MIA2: variants seen among roughly 807,000 people sequenced by gnomAD.
MIA2 encodes the protein MIA SH3 domain ER export factor 2.
Under a neutral mutation model 167.8 loss-of-function variants are expected in MIA2, and 127 were observed. The ratio of observed to expected loss-of-function variants is 0.76; its 90% CI spans 0.66 to 0.88. The LOEUF is 0.88. Ranked by LOEUF, MIA2 falls within the 40% of genes least tolerant of loss-of-function variation. The probability of loss-of-function intolerance (pLI) is 0.00; values close to 1 mark genes in which losing one functional copy is unlikely to be tolerated. For synonymous variants in MIA2, 552 were observed against 541.9 expected (o/e 1.02, Z -0.26); for missense variants, 1,690 against 1,624.7 (o/e 1.04, Z -0.69).
intron 13 of MIA2, among the ~76,000 whole-genome samples, chr14:39,295,602 C>T (rs1257084218): frequency 4.6e-5 from 7 of 152,108 alleles, no homozygotes; most frequent in African/African-American, 1.7e-4. Context: ...ACTCTGTTGC[C>T]AGGCTGGAGT....
At chr14:39,267,036 C>G in intron 6 of MIA2, 1 of 1,025,622 alleles carries the variant, frequency 9.8e-7, no homozygotes, top group Admixed American at 5.5e-5. Flanking sequence ...GGTGGCTTCG[C>G]CAGGTAGAGC....
chr14:39,314,836 G>GTGTA (rs2065084855), intron 20 of MIA2, 37 bp downstream of exon 20: 3 of 996,894 alleles, frequency 3.0e-6, no homozygotes, highest in Non-Finnish European at 2.9e-6. Flanking sequence ...GTGTGTGTGT[G>GTGTA]TATATATATA....
intron 17 of MIA2, among the ~76,000 whole-genome samples, chr14:39,308,227 A>T (rs2063671039): frequency 6.6e-6 from 1 of 152,158 alleles, no homozygotes; most frequent in Admixed American, 6.5e-5. Flanking sequence ...CCTATATTGA[A>T]ATATCACACT....
rs370610401 is a variant in MIA2 at position 39,370,151 on chromosome 14, G to A, written c.2249-16734G>A. 2.6e-5 allele frequency: 4 copies of A among 152,328 alleles called. No individual in the cohort carries two copies. In the East Asian group the frequency reaches 5.8e-4, roughly 22 times the overall value. The allele number at this position is 152,328 out of a possible 1,614,324, so 9.4% of individuals were successfully genotyped here. ...TAAAATATTACTAGCTCAAACACTA[G>A]ACAAACTAAAATCACCCGACTGCTT... On this transcript the variant is annotated intron_variant, in intron 23 of 23. Transcript: ENST00000341502.
Position 39,299,945 on chromosome 14 carries a change from C to T in MIA2, c.2578C>T (p.His860Tyr), listed in dbSNP as rs747814024. ...AGTAACATTTGAAGACTCCAAAGTA[C>T]ATGCAGAACAAGTTCTAAATGATAA... ...QKVTFEDSKVHAEQVLNDKES... is the reference protein window; with the variant it reads ...QKVTFEDSKVYAEQVLNDKES... The change falls in exon 14 of 29, where the codon CAT becomes TAT. Residue 860 changes from histidine to tyrosine, a missense_variant. Coordinates refer to ENST00000640607, the MANE Select transcript of MIA2 (RefSeq NM_001329214.4). The T allele has an allele frequency of 3.1e-6, 5 of 1,608,510 alleles. 1 individual carries two copies. Among genetic ancestry groups the T allele is most frequent in the African/African-American group, 2.7e-5 (2 of 74,570 alleles).
chr14:39,252,620 C>T, intron 4 of MIA2, 128 bp from the exon 5 acceptor site: 1 of 641,410 alleles, frequency 1.6e-6, no homozygotes, highest in Non-Finnish European at 2.7e-6. Context: ...TTTAGTGTGT[C>T]CTTTCTTTAA....
At chr14:39,280,557 C>T (rs1271915420) in intron 9 of MIA2, among the ~76,000 whole-genome samples, 2 of 151,902 alleles carry the variant, frequency 1.3e-5, no homozygotes, top group Non-Finnish European at 1.5e-5. Flanking sequence ...ATGGTGAAAC[C>T]CCGTCCCTAC....
intron 25 of MIA2, among the ~76,000 whole-genome samples, chr14:39,337,121 C>T (rs1235299509): frequency 1.3e-5 from 2 of 152,090 alleles, no homozygotes; most frequent in Admixed American, 6.6e-5. Flanking sequence ...GTGACATAAC[C>T]ATATAACTCC....
chr14:39,297,830 C>CCTG (rs1566799068), intron 13 of MIA2, among the ~76,000 whole-genome samples: 1 of 152,006 alleles, frequency 6.6e-6, no homozygotes, highest in African/African-American at 2.4e-5. Context: ...TCCTTTTTTC[C>CCTG]AGTCCTGCTT....
chr14:39,370,728 T>G (rs1440362523), intron 23 of MIA2: 1 of 169,154 alleles, frequency 5.9e-6, no homozygotes, highest in Non-Finnish European at 1.3e-5. Context: ...GAGCCCACAA[T>G]GGCCCAGGCC....
In MIA2 at chr14:39,347,500, G is replaced by T. The variant is rs574003985; in HGVS notation, c.3779-213G>T. ...CAGGATTGCTTAGGAACTAGCCAGAGAAATAATTGCCACATGCCATCATAG... is the reference window on the plus strand; with the variant it reads ...CAGGATTGCTTAGGAACTAGCCAGATAAATAATTGCCACATGCCATCATAG... On this transcript the variant is annotated intron_variant, in intron 26 of 28. Transcript: ENST00000640607. The T allele has an allele frequency of 3.1e-5, 17 of 544,128 alleles. No homozygotes were observed. The South Asian group carries it at 3.8e-4, about 12-fold the overall frequency. The allele number at this position is 544,128 out of a possible 1,614,324, so 33.7% of individuals were successfully genotyped here. A position where few individuals can be genotyped will look rare whatever the true frequency, so the allele number is the denominator to read the frequency against.
In MIA2 at chr14:39,315,120, TAAAAAAAAAA is replaced by T. The variant is rs558848153; in HGVS notation, c.3180+338_3180+347del. On this transcript the variant is annotated intron_variant, in intron 20 of 28. Transcript: ENST00000640607. Reference sequence around the variant, plus strand: ...TAACATGGCAAAACCCTGTCTCTACTAAAAAAAAAAAAAAAAAAAAAAAAAATACAAAAAT... The same window carrying T: ...TAACATGGCAAAACCCTGTCTCTACTAAAAAAAAAAAAAAAATACAAAAAT... 113 of 105,854 alleles carry T rather than the reference TAAAAAAAAAA, an allele frequency of 1.1e-3. 1 individual carries two copies. The highest frequency in any genetic ancestry group is 4.1e-3 in the Middle Eastern group (1 of 244). 6.6% of individuals were successfully genotyped at this position (105,854 alleles called of 1,614,324 possible). A position where few individuals can be genotyped will look rare whatever the true frequency, so the allele number is the denominator to read the frequency against.
chr14:39,239,031 A>T (rs2053924371), intron 2 of MIA2, among the ~76,000 whole-genome samples: 1 of 152,296 alleles, frequency 6.6e-6, no homozygotes, highest in Middle Eastern at 3.4e-3. Flanking sequence ...CTGAACAAGC[A>T]TGGTCGACTT....
At chr14:39,290,333 T>A (rs114347260) in intron 9 of MIA2, among the ~76,000 whole-genome samples, 28 of 152,292 alleles carry the variant, frequency 1.8e-4, no homozygotes, top group South Asian at 8.3e-4. Context: ...TATATATTTT[T>A]TTTTTTGGTA....
intron 25 of MIA2, among the ~76,000 whole-genome samples, chr14:39,330,679 G>T (rs940025823): frequency 6.6e-6 from 1 of 152,068 alleles, no homozygotes; most frequent in Non-Finnish European, 1.5e-5. Flanking sequence ...GTTCTCATTG[G>T]TTTCAAATAA....
chr14:39,263,716 C>T (rs1218418383), intron 6 of MIA2, among the ~76,000 whole-genome samples: 6 of 149,934 alleles, frequency 4.0e-5, no homozygotes, highest in African/African-American at 7.4e-5. Context: ...ACTGCAATCT[C>T]GGCCTCCTGG....
intron 9 of MIA2, among the ~76,000 whole-genome samples, chr14:39,288,449 A>ATTTTTTTTTTTTTTTTTTTTTTTTTT (rs1566746769): frequency 2.3e-4 from 1 of 4,368 alleles, no homozygotes; most frequent in African/African-American, 6.3e-4. Flanking sequence ...ATATATATAT[A>ATTTTTTTTTTTTTTTTTTTTTTTTTT]TATATATATA....
At chr14:39,346,354 A>G (rs2153072096) in intron 26 of MIA2, among the ~76,000 whole-genome samples, 1 of 152,298 alleles carries the variant, frequency 6.6e-6, no homozygotes, top group Non-Finnish European at 1.5e-5. Flanking sequence ...GAAATAAGCC[A>G]GGCAAATGTG....
intron 26 of MIA2, chr14:39,347,430 A>G (rs1199807354): frequency 7.9e-6 from 3 of 380,552 alleles, no homozygotes; most frequent in Admixed American, 4.6e-5. Flanking sequence ...AGAAGGAAGG[A>G]GGGAGATGCT....
Sources: gnomAD v4.1 joint callset for allele counts (sites outside exome capture counted in the v4.1 genomes callset) on GRCh38, gnomAD v4.1.1 for gene constraint, MANE v1.5 for transcripts, NCBI Gene and HGNC (gene_info 2026-07-23, HGNC 2026-07-21) for gene names.